LTBP1: variants seen among roughly 807,000 people sequenced by gnomAD.
LTBP1 encodes latent transforming growth factor beta binding protein 1, also known as latent-transforming growth factor beta-binding protein 1.
LTBP1 carries 129 observed loss-of-function variants against 207.6 expected under a neutral mutation model. That is an observed-to-expected ratio of 0.62 (90% CI 0.54 to 0.72). The LOEUF is 0.72. Among genes scored for constraint, LTBP1 ranks in the 30% least tolerant of loss-of-function variants. The pLI is 0.00. For missense variants in LTBP1, 2,281 were observed against 2,217.2 expected, an observed-to-expected ratio of 1.03 and a Z score of -0.58; for synonymous variants, 963 against 833.7, an observed-to-expected ratio of 1.16 and a Z score of -2.67.
intron 5 of LTBP1, among the ~76,000 whole-genome samples, chr2:33,164,955 A>G (rs1269191336): frequency 1.3e-5 from 2 of 152,260 alleles, no homozygotes; most frequent in East Asian, 1.9e-4. Flanking sequence ...AAGCAAGTAC[A>G]TAAGAGTGGT....
intron 31 of LTBP1, among the ~76,000 whole-genome samples, chr2:33,374,231 C>T (rs1003815962): frequency 2.0e-5 from 3 of 152,214 alleles, no homozygotes; most frequent in Non-Finnish European, 2.9e-5. Flanking sequence ...CTTTGGAACA[C>T]CCTACTTGTG....
chr2:33,091,801 AT>A lies in LTBP1; in HGVS notation c.864-18780del, dbSNP rs529484899. ...ATTTCCCAGTCTTTAGTCCAGTTTC[AT>A]AATCTGCCTCCTGAGCTCTTCCAGG... is the stretch of plus-strand genomic sequence containing the variant. On this transcript the variant is annotated intron_variant, in intron 3 of 33. Transcript: ENST00000404816. Among the ~76,000 whole-genome samples the A allele has an allele frequency of 1.1e-4, 16 of 152,208 alleles. No homozygotes were observed. In the East Asian group the frequency reaches 2.5e-3, roughly 24 times the overall value.
chr2:32,959,298 G>A (rs1264149439), intron 2 of LTBP1, among the ~76,000 whole-genome samples: 20 of 151,948 alleles, frequency 1.3e-4, no homozygotes, highest in Non-Finnish European at 2.5e-4. Flanking sequence ...GGTGAAAACC[G>A]AGTGGCTGGA....
intron 20 of LTBP1, among the ~76,000 whole-genome samples, chr2:33,298,303 G>C (rs991420272): frequency 1.3e-5 from 2 of 152,134 alleles, no homozygotes; most frequent in African/African-American, 2.4e-5. Context: ...GTCATTACTT[G>C]TCATGAATTA....
At chr2:33,119,729 T>A (rs1355746753) in intron 4 of LTBP1, among the ~76,000 whole-genome samples, 1 of 152,158 alleles carries the variant, frequency 6.6e-6, no homozygotes, top group Non-Finnish European at 1.5e-5. Context: ...GGCTAATTTT[T>A]TTGTATTTTT....
At chr2:33,165,976 T>C (rs1431250848) in intron 5 of LTBP1, among the ~76,000 whole-genome samples, 4 of 152,132 alleles carry the variant, frequency 2.6e-5, no homozygotes, top group Non-Finnish European at 5.9e-5. Context: ...CCCCATTAGC[T>C]TTTCAAGTTT....
intron 4 of LTBP1, among the ~76,000 whole-genome samples, chr2:33,128,683 C>A (rs1283091668): frequency 1.3e-5 from 2 of 152,192 alleles, no homozygotes; most frequent in Admixed American, 6.5e-5. Context: ...AAACCCAGGG[C>A]AAACTCATTG....
intron 9 of LTBP1, among the ~76,000 whole-genome samples, chr2:33,232,349 G>C (rs2091838356): frequency 1.3e-5 from 2 of 152,194 alleles, no homozygotes; most frequent in African/African-American, 4.8e-5. Flanking sequence ...CCTGACTAGA[G>C]TTTGATCAAG....
rs562649802 is a variant in LTBP1 at position 33,373,814 on chromosome 2, A to C, written c.4711+8311A>C. 1.5e-3 allele frequency among the ~76,000 whole-genome samples: 228 copies of C among 152,320 alleles called. 1 individual carries two copies. Among genetic ancestry groups the C allele is most frequent in the African/African-American group, 5.3e-3 (222 of 41,562 alleles). Reference sequence around the variant, plus strand: ...AACAGGTGTAAAGTTGTATTTAATGAAATGCATAATTAGTATAATTTATTC... The same window carrying C: ...AACAGGTGTAAAGTTGTATTTAATGCAATGCATAATTAGTATAATTTATTC... On this transcript the variant is annotated intron_variant, in intron 31 of 33. Transcript: ENST00000404816.
intron 5 of LTBP1, among the ~76,000 whole-genome samples, chr2:33,146,717 A>G (rs556090042): frequency 3.6e-4 from 55 of 152,278 alleles, no homozygotes; most frequent in African/African-American, 1.1e-3. Flanking sequence ...CACATCTTAC[A>G]TGGTTGGAGA....
intron 3 of LTBP1, among the ~76,000 whole-genome samples, chr2:33,047,582 G>T (rs1183635433): frequency 1.3e-5 from 2 of 152,152 alleles, no homozygotes; most frequent in African/African-American, 4.8e-5. Context: ...TGAGAAGATT[G>T]TATATTCTGT....
At chr2:33,195,627 C>T (rs778096171) in intron 7 of LTBP1, among the ~76,000 whole-genome samples, 13 of 152,256 alleles carry the variant, frequency 8.5e-5, no homozygotes, top group Middle Eastern at 6.8e-3. Context: ...GAGATGAAAT[C>T]GACTCCTGGT....
chr2:32,992,067 C>T (rs2148865042), intron 2 of LTBP1, among the ~76,000 whole-genome samples: 1 of 152,272 alleles, frequency 6.6e-6, no homozygotes, highest in South Asian at 2.1e-4. Context: ...CAGTGTGCTT[C>T]TCTCCGATAA....
chr2:33,266,560 G>C (rs1027677858), intron 15 of LTBP1, among the ~76,000 whole-genome samples: 1 of 152,054 alleles, frequency 6.6e-6, no homozygotes, highest in African/African-American at 2.4e-5. Context: ...TGTTTTTCTA[G>C]GCCCTCCATG....
intron 3 of LTBP1, among the ~76,000 whole-genome samples, chr2:33,036,147 C>A (rs983496215): frequency 3.3e-5 from 5 of 152,166 alleles, no homozygotes; most frequent in Non-Finnish European, 5.9e-5. Context: ...CAAACTGGAG[C>A]ATGAATCAGA....
chr2:32,986,602 A>G (rs1683615939), intron 2 of LTBP1, among the ~76,000 whole-genome samples: 1 of 152,170 alleles, frequency 6.6e-6, no homozygotes, highest in East Asian at 1.9e-4. Flanking sequence ...AAATTTCAAG[A>G]TGATGACAGC....
chr2:33,014,301 C>G (rs1250310353), intron 2 of LTBP1, among the ~76,000 whole-genome samples: 2 of 151,956 alleles, frequency 1.3e-5, no homozygotes, highest in African/African-American at 4.8e-5. Context: ...GAGGCTAACC[C>G]AGAGACATTT....
rs1427368575 is a variant in LTBP1, at chr2:33,389,251, G to A, written c.4779G>A (p.Leu1593=). 3.1e-6 allele frequency: 5 copies of A among 1,614,050 alleles called. No homozygotes were observed. Among genetic ancestry groups the A allele is most frequent in the Admixed American group, 1.7e-5 (1 of 59,994 alleles). The change falls in exon 32 of 34, where the codon TTG becomes TTA. Residue 1593 remains leucine, a synonymous_variant. Transcript: ENST00000404816. ...GRRQPYGRDA[L]VDFSEQYTPE... is the part of the protein sequence containing the mutation. ...GGCAGCCATATGGACGGGACGCCTTGGTTGACTTCAGTGAACAGTATACTC... is the reference window on the plus strand; with the variant it reads ...GGCAGCCATATGGACGGGACGCCTTAGTTGACTTCAGTGAACAGTATACTC...
chr2:33,020,468 G>A (rs1009455862), intron 2 of LTBP1, among the ~76,000 whole-genome samples: 2 of 152,118 alleles, frequency 1.3e-5, no homozygotes, highest in Non-Finnish European at 2.9e-5. Flanking sequence ...ATTTTCTTAC[G>A]ATTTTTCCTG....
Sources: allele counts gnomAD v4.1 joint callset (sites outside exome capture counted in the v4.1 genomes callset), GRCh38; gene constraint gnomAD v4.1.1; transcripts MANE v1.5; gene names NCBI Gene and HGNC (gene_info 2026-07-23, HGNC 2026-07-21).